TENM3: variants seen among roughly 807,000 people sequenced by gnomAD.
TENM3 encodes the protein teneurin transmembrane protein 3, also known as teneurin-3.
TENM3 carries 63 observed loss-of-function variants against 255.1 expected under a neutral mutation model. That is an observed-to-expected ratio of 0.25 (90% CI 0.20 to 0.30). The LOEUF is 0.30. TENM3 is among the 10% of genes least tolerant of loss of function. The pLI, the probability that TENM3 is intolerant of heterozygous loss-of-function variation, is 1.00. For missense variants in TENM3, 2,929 were observed against 3,461.1 expected, an observed-to-expected ratio of 0.85 and a Z score of 3.86; for synonymous variants, 1,306 against 1,322.3, an observed-to-expected ratio of 0.99 and a Z score of 0.27.
the TENM3 span, among the ~76,000 whole-genome samples, chr4:181,832,831 C>T: frequency 6.6e-6 from 1 of 152,106 alleles, no homozygotes; most frequent in African/African-American, 2.4e-5. Context: ...GTGTGGGGGG[C>T]AGCCCAGTGC....
At chr4:182,013,699 G>A in the TENM3 span, among the ~76,000 whole-genome samples, 1 of 152,088 alleles carries the variant, frequency 6.6e-6, no homozygotes, top group Non-Finnish European at 1.5e-5. Context: ...TGACATGGAT[G>A]TGATTCATGG....
the TENM3 span, among the ~76,000 whole-genome samples, chr4:181,727,586 C>A: frequency 6.6e-6 from 1 of 152,148 alleles, no homozygotes; most frequent in African/African-American, 2.4e-5. Context: ...GCATACATTT[C>A]TTTACCCTTA....
At chr4:181,756,838 G>C in the TENM3 span, among the ~76,000 whole-genome samples, 1 of 152,086 alleles carries the variant, frequency 6.6e-6, no homozygotes, top group Non-Finnish European at 1.5e-5. Flanking sequence ...TGTGCCCTGG[G>C]GATTGTCAAC....
At chr4:181,513,029 T>A in the TENM3 span, among the ~76,000 whole-genome samples, 1 of 152,216 alleles carries the variant, frequency 6.6e-6, no homozygotes, top group East Asian at 1.9e-4. Flanking sequence ...ATCTCTATTA[T>A]ATAGACAATG....
the TENM3 span, among the ~76,000 whole-genome samples, chr4:181,774,003 G>GTTTTTTTTTT: frequency 1.1e-4 from 10 of 90,062 alleles, no homozygotes; most frequent in East Asian, 2.9e-4. Flanking sequence ...TGGTGGCTGT[G>GTTTTTTTTTT]TTTTTTTTTT....
the TENM3 span, among the ~76,000 whole-genome samples, chr4:181,826,189 G>T: frequency 6.6e-6 from 1 of 151,960 alleles, no homozygotes; most frequent in Admixed American, 6.6e-5. Flanking sequence ...CCATAAGAAT[G>T]ATGTGTATTC....
At chr4:181,940,304 G>T in the TENM3 span, among the ~76,000 whole-genome samples, 1 of 152,072 alleles carries the variant, frequency 6.6e-6, no homozygotes, top group Admixed American at 6.6e-5. Context: ...CTTTACTAAA[G>T]GAATATTTCA....
chr4:181,849,349 T>A, the TENM3 span, among the ~76,000 whole-genome samples: 6 of 152,214 alleles, frequency 3.9e-5, no homozygotes, highest in African/African-American at 1.4e-4. Flanking sequence ...ATTTGTAAAT[T>A]GTGTGACTAT....
At chr4:182,706,868 C>T (rs549415729) in intron 12 of TENM3, among the ~76,000 whole-genome samples, 1 of 151,842 alleles carries the variant, frequency 6.6e-6, no homozygotes, top group Admixed American at 6.6e-5. Flanking sequence ...GTGGGAGGAT[C>T]ACCCAAGCCC....
the TENM3 span, among the ~76,000 whole-genome samples, chr4:182,022,955 A>AT: frequency 4.4e-4 from 67 of 152,298 alleles, no homozygotes; most frequent in African/African-American, 1.4e-3. Flanking sequence ...CTTCCAGCTT[A>AT]TTTTTTTCAA....
chr4:181,567,337 A>G, the TENM3 span, among the ~76,000 whole-genome samples: 3 of 152,168 alleles, frequency 2.0e-5, no homozygotes, highest in African/African-American at 7.2e-5. Flanking sequence ...ATTTGCATAT[A>G]TTCTGTTCGT....
At chr4:182,503,026 T>A (rs968537076) in intron 3 of TENM3, among the ~76,000 whole-genome samples, 10 of 151,658 alleles carry the variant, frequency 6.6e-5, no homozygotes, top group African/African-American at 2.4e-4. Flanking sequence ...TTGTCCAAAG[T>A]TTAGACAATC....
At chr4:181,566,200 A>G in the TENM3 span, among the ~76,000 whole-genome samples, 1 of 152,226 alleles carries the variant, frequency 6.6e-6, no homozygotes. Context: ...AACTTTTAGT[A>G]TACTAAGCAA....
chr4:181,493,719 G>C, the TENM3 span, among the ~76,000 whole-genome samples: 4 of 152,194 alleles, frequency 2.6e-5, no homozygotes, highest in African/African-American at 9.6e-5. Context: ...ACTCCAGCCT[G>C]GGCAACAGGA....
chr4:181,597,172 T>C, the TENM3 span, among the ~76,000 whole-genome samples: 1 of 152,358 alleles, frequency 6.6e-6, no homozygotes, highest in South Asian at 2.1e-4. Flanking sequence ...CATTAAATCC[T>C]CCTTGATCTT....
At chr4:181,982,791 A>C in the TENM3 span, among the ~76,000 whole-genome samples, 8 of 152,340 alleles carry the variant, frequency 5.3e-5, no homozygotes, top group East Asian at 1.5e-3. Flanking sequence ...CATTTAAAAA[A>C]TATGCACCAA....
chr4:181,651,696 C>T, the TENM3 span, among the ~76,000 whole-genome samples: 2 of 152,130 alleles, frequency 1.3e-5, no homozygotes, highest in Non-Finnish European at 2.9e-5. Flanking sequence ...AGATGCGTTA[C>T]ATCTAACACC....
the TENM3 span, among the ~76,000 whole-genome samples, chr4:181,630,634 T>C: frequency 9.4e-3 from 1,436 of 152,334 alleles, 25 homozygotes; most frequent in African/African-American, 0.033. Flanking sequence ...TCAGTTTCCA[T>C]GCAGTTGAGC....
chr4:182,449,460 T>G (rs1172171367), intron 3 of TENM3, among the ~76,000 whole-genome samples: 1 of 25,614 alleles, frequency 3.9e-5, no homozygotes, highest in Non-Finnish European at 1.0e-4. Context: ...TATTTTTAAT[T>G]AGATGGATTT....
Sources: allele counts gnomAD v4.1 joint callset (sites outside exome capture counted in the v4.1 genomes callset), GRCh38; gene constraint gnomAD v4.1.1; transcripts MANE v1.5; gene names NCBI Gene and HGNC (gene_info 2026-07-23, HGNC 2026-07-21).